COMP: variants seen among roughly 807,000 people sequenced by gnomAD.
The protein encoded by COMP is cartilage oligomeric matrix protein, also known as cartilage oligomeric matrix protein (pseudoachondroplasia, epiphyseal dysplasia 1, multiple).
COMP carries 79 observed loss-of-function variants against 95.8 expected under a neutral mutation model. That is an observed-to-expected ratio of 0.82 (90% CI 0.69 to 0.99). COMP has a LOEUF of 0.99. Among genes scored for constraint, COMP ranks in the 50% least tolerant of loss-of-function variants. COMP has a pLI of 0.00. For missense variants in COMP, 906 were observed against 1,076.1 expected, an observed-to-expected ratio of 0.84 and a Z score of 2.21; for synonymous variants, 438 against 433.9, an observed-to-expected ratio of 1.01 and a Z score of -0.12.
At position 18,790,120 on chromosome 19, in the gene COMP, G is replaced by T. The variant is rs534407430; in HGVS notation, c.218-6C>A. ...GCGTACTGACTGCTGCATCCCTGCGGGGGGGAGGGGGGAGAAGCGGCGGGG... is the reference window on the plus strand; with the variant it reads ...GCGTACTGACTGCTGCATCCCTGCGTGGGGGAGGGGGGAGAAGCGGCGGGG... On this transcript the variant is annotated splice_polypyrimidine_tract_variant and splice_region_variant and intron_variant, in intron 3 of 18. Transcript: ENST00000222271. 2.7e-5 allele frequency: 41 copies of T among 1,523,424 alleles called. No homozygotes were observed. Among genetic ancestry groups the T allele is most frequent in the African/African-American group, 1.1e-4 (8 of 72,624 alleles). The allele number at this position is 1,523,424 out of a possible 1,614,324, so 94.4% of individuals were successfully genotyped here.
Position 18,789,020 on chromosome 19 carries a change from A to T in COMP, c.529-107T>A. ...TGCCTCTCCCCTCCATCCTGCCCCA[A>T]ACCGATCAGCCCTGGCGCAGCGGAC... is the stretch of plus-strand genomic sequence containing the variant. On this transcript the variant is annotated intron_variant, in intron 5 of 18. Coordinates refer to ENST00000222271, the MANE Select transcript of COMP (RefSeq NM_000095.3). The surrounding 1 kb of genome is among the most constrained non-coding windows in gnomAD (Gnocchi z 6.1). 4 of 1,546,460 alleles carry T rather than the reference A, an allele frequency of 2.6e-6. No individual in the cohort carries two copies. In the South Asian group the frequency reaches 3.5e-5, roughly 13 times the overall value.
rs773412062 is a variant in COMP, at chr19:18,789,247, C to T, written c.441G>A (p.Pro147=). Residue 147 remains proline (P), a synonymous_variant, in exon 5 of 19, where the codon CCG becomes CCA. Coordinates refer to ENST00000222271, the MANE Select transcript of COMP (RefSeq NM_000095.3). This position sits in a 1 kb window ranked among gnomAD's most constrained non-coding sequence, Gnocchi z 6.1. ...FPRVRCINTS[P]GFRCEACPPG... The stretch of plus-strand genomic sequence containing the variant: ...GCGGGCAAGCCTCGCAGCGGAACCC[C>T]GGGCTGGTGTTGATACAGCGGACTC... 3.3e-6 allele frequency: 5 copies of T among 1,525,164 alleles called. No homozygotes were observed. The highest frequency in any genetic ancestry group is 4.4e-6 in the Non-Finnish European group (5 of 1,143,822). The allele number at this position is 1,525,164 out of a possible 1,614,324, so 94.5% of individuals were successfully genotyped here.
rs538226042 is a variant in COMP, at chr19:18,790,075, C to A, written c.257G>T (p.Arg86Leu). The change falls in exon 4 of 19, where the codon CGG becomes CTG. Residue 86 changes from arginine to leucine, a missense_variant. By Grantham distance (102) the Arg-to-Leu change is moderately radical. Coordinates refer to ENST00000222271, the MANE Select transcript of COMP (RefSeq NM_000095.3). ...GCCGGGCGCGCAGTGGAGCAGGGGC[C>A]GCACGCTGGGTAGGCCGGTGCGTAC... ...QSVRTGLPSV[R>L]PLLHCAPGFC... 6.5e-6 allele frequency: 10 copies of A among 1,546,484 alleles called. No homozygotes were observed. The highest frequency in any genetic ancestry group is 1.2e-5 in the South Asian group (1 of 84,562).
rs1438651325 is a variant in COMP, at chr19:18,790,587, G to A, written c.192C>T (p.Asn64=). 3 of 1,613,856 alleles carry A rather than the reference G, an allele frequency of 1.9e-6. No homozygotes were observed. Among genetic ancestry groups the A allele is most frequent in the Non-Finnish European group, 2.5e-6 (3 of 1,179,872 alleles). Reference sequence around the variant, plus strand: ...CGCACGCGTCACACTCCATCACCGTGTTTTTCAGGAACGTGATCTCCCTGA... The same window carrying A: ...CGCACGCGTCACACTCCATCACCGTATTTTTCAGGAACGTGATCTCCCTGA... ...QQVREITFLK[N]TVMECDACGM... is the part of the protein sequence containing the mutation. Residue 64 remains asparagine (N), a synonymous_variant, in exon 3 of 19, where the codon AAC becomes AAT. Coordinates refer to ENST00000222271, the MANE Select transcript of COMP (RefSeq NM_000095.3).
At chr19:18,785,267 CCA>C (rs1247772910) in intron 15 of COMP, among the ~76,000 whole-genome samples, 175 bp from the exon 16 acceptor site, 1 of 152,072 alleles carries the variant, frequency 6.6e-6, no homozygotes, top group Admixed American at 6.5e-5. Context: ...CCACGCCCCT[CCA>C]GAGTCCACCT....
At position 18,784,849 on chromosome 19, in the gene COMP, G is replaced by A; in HGVS notation, c.1914+47C>T. ...TGTAAAGGGTTTTACGGAGGGTCAT[G>A]GGAGGGCATGAGGACCGCAGAGGTC... On this transcript the variant is annotated intron_variant, in intron 16 of 18. Transcript: ENST00000222271. The surrounding 1 kb of genome is among the most constrained non-coding windows in gnomAD (Gnocchi z 4.9). 6.3e-7 allele frequency: 1 copy of A among 1,599,392 alleles called. No homozygotes were observed. The highest frequency in any genetic ancestry group is 1.1e-5 in the South Asian group (1 of 90,786).
intron 14 of COMP, 22 bp downstream of exon 14, chr19:18,785,651 C>A: frequency 6.2e-7 from 1 of 1,613,504 alleles, no homozygotes; most frequent in Non-Finnish European, 8.5e-7. Flanking sequence ...CCCATCACCC[C>A]CCACGTGGAC....
rs1379380934 is a variant in COMP, at chr19:18,787,539, CTG to C, written c.1085_1086del (p.Thr362ArgfsTer27). 2 of 1,613,936 alleles carry C rather than the reference CTG, an allele frequency of 1.2e-6. No individual in the cohort carries two copies. The highest frequency in any genetic ancestry group is 1.7e-6 in the Non-Finnish European group (2 of 1,180,058). On this transcript the variant is annotated frameshift_variant, in exon 10 of 19. Coordinates refer to ENST00000222271, the MANE Select transcript of COMP (RefSeq NM_000095.3). LOFTEE classifies it high-confidence loss of function. ...RSQKNDDQKD[T>X]DQDGRGDACD... The stretch of plus-strand genomic sequence containing the variant: ...CACGCATCGCCCCGGCCGTCCTGGT[CTG>C]TGTCCTTTTGGTCGTCGTTCTTCTG...
rs763986060 is a variant in COMP at position 18,786,021 on chromosome 19, G to T, written c.1433C>A (p.Pro478His). The T allele has an allele frequency of 6.2e-7, 1 of 1,613,552 alleles. No homozygotes were observed. The highest frequency in any genetic ancestry group is 1.7e-5 in the Admixed American group (1 of 60,018). Residue 478 changes from proline to histidine, a missense_variant, in exon 13 of 19, where the codon CCT (proline) becomes CAT (histidine). By Grantham distance (77) the Pro-to-His change is moderately conservative. Coordinates refer to ENST00000222271, the MANE Select transcript of COMP (RefSeq NM_000095.3). Reference sequence around the variant, plus strand: ...CAGGCGGCAGTTGTCCCGACTGTCAGGGACTCCGTCATTGTCGTCGTCGTC... The same window carrying T: ...CAGGCGGCAGTTGTCCCGACTGTCATGGACTCCGTCATTGTCGTCGTCGTC... ...CDDDDDNDGV[P>H]DSRDNCRLVP... is the part of the protein sequence containing the mutation.
Position 18,784,337 on chromosome 19 carries a change from C to T in COMP, c.1941G>A (p.Gly647=), listed in dbSNP as rs1200992000. Residue 647 remains glycine (G), a synonymous_variant, in exon 17 of 19, where the codon GGG becomes GGA. Coordinates refer to ENST00000222271, the MANE Select transcript of COMP (RefSeq NM_000095.3). This position sits in a 1 kb window ranked among gnomAD's most constrained non-coding sequence, Gnocchi z 4.9. ...LKAVKSSTGP[G]EQLRNALWHT... Reference sequence around the variant, plus strand: ...GCCACAGAGCGTTCCGCAGCTGTTCCCCGGGGCCTGTGGAAGACTTCACAG... The same window carrying T: ...GCCACAGAGCGTTCCGCAGCTGTTCTCCGGGGCCTGTGGAAGACTTCACAG... The T allele has an allele frequency of 6.2e-7, 1 of 1,613,998 alleles. No individual in the cohort carries two copies. The highest frequency in any genetic ancestry group is 8.5e-7 in the Non-Finnish European group (1 of 1,180,032).
At position 18,787,485 on chromosome 19, in the gene COMP, G is replaced by A. The variant is rs2055175569; in HGVS notation, c.1135+6C>T. The A allele has an allele frequency of 6.2e-7, 1 of 1,611,100 alleles. No individual in the cohort carries two copies. Among genetic ancestry groups the A allele is most frequent in the Non-Finnish European group, 8.5e-7 (1 of 1,179,900 alleles). On this transcript the variant is annotated splice_donor_region_variant and intron_variant, in intron 10 of 18. Coordinates refer to ENST00000222271, the MANE Select transcript of COMP (RefSeq NM_000095.3). Reference sequence around the variant, plus strand: ...CTCCTCGCCCCCCAACCCCCATCGAGCTCACGGTCGCCGTCGATGTCGTCG... The same window carrying A: ...CTCCTCGCCCCCCAACCCCCATCGAACTCACGGTCGCCGTCGATGTCGTCG...
Position 18,788,576 on chromosome 19 carries a change from G to A in COMP, c.762+16C>T, listed in dbSNP as rs1467527499. On this transcript the variant is annotated intron_variant, in intron 7 of 18. Coordinates refer to ENST00000222271, the MANE Select transcript of COMP (RefSeq NM_000095.3). This position sits in a 1 kb window ranked among gnomAD's most constrained non-coding sequence, Gnocchi z 4.7. ...GCCACCCAACCCCGCCTCAAGCCCAGCCCGCCCGCACTCACCACGCACGAC... is the reference window on the plus strand; with the variant it reads ...GCCACCCAACCCCGCCTCAAGCCCAACCCGCCCGCACTCACCACGCACGAC... 26 of 1,557,274 alleles carry A rather than the reference G, an allele frequency of 1.7e-5. No individual in the cohort carries two copies. The highest frequency in any genetic ancestry group is 2.1e-5 in the Non-Finnish European group (24 of 1,151,238).
rs1282820028 is a variant in COMP, at chr19:18,788,268, C to T, written c.919G>A (p.Gly307Ser). 6.2e-7 allele frequency: 1 copy of T among 1,613,258 alleles called. No homozygotes were observed. The highest frequency in any genetic ancestry group is 1.1e-5 in the South Asian group (1 of 91,090). ...NSGQEDVDRD[G>S]IGDACDPDAD... Reference sequence around the variant, plus strand: ...TCCGGATCGCAGGCGTCTCCGATGCCATCGCGGTCCACATCCTCCTGCCCT... The same window carrying T: ...TCCGGATCGCAGGCGTCTCCGATGCTATCGCGGTCCACATCCTCCTGCCCT... Residue 307 changes from glycine to serine, a missense_variant, in exon 9 of 19, where the codon GGC (glycine) becomes AGC (serine). Gly to Ser is a moderately conservative substitution (Grantham distance 56, BLOSUM62 0). Transcript: ENST00000222271. This position sits in a 1 kb window ranked among gnomAD's most constrained non-coding sequence, Gnocchi z 4.7.
intron 3 of COMP, 134 bp downstream of exon 3, chr19:18,790,428 C>T (rs2055204583): frequency 4.4e-6 from 5 of 1,135,352 alleles, no homozygotes; most frequent in Non-Finnish European, 6.6e-6. Flanking sequence ...CATTCCCGTT[C>T]GTCCGTCCAC....
At chr19:18,785,134 C>T in intron 15 of COMP, 42 bp from the exon 16 acceptor site, 1 of 1,601,088 alleles carries the variant, frequency 6.2e-7, no homozygotes, top group Admixed American at 1.7e-5. Flanking sequence ...GAACGCCAGC[C>T]CCAGCCCCCG....
Position 18,788,387 on chromosome 19 carries a change from C to CCCCCCCCA in COMP, c.867+22_867+23insTGGGGGGG. The CCCCCCCCA allele has an allele frequency of 6.3e-7, 1 of 1,581,534 alleles. No homozygotes were observed. The highest frequency in any genetic ancestry group is 8.6e-7 in the Non-Finnish European group (1 of 1,157,118). On this transcript the variant is annotated intron_variant, in intron 8 of 18. Coordinates refer to ENST00000222271, the MANE Select transcript of COMP (RefSeq NM_000095.3). This position sits in a 1 kb window ranked among gnomAD's most constrained non-coding sequence, Gnocchi z 4.7. ...TCCCGCCCTCCCTCCTGCCCAAGCC[C>CCCCCCCCA]GCCCCGCTCCGCCCCCACCCACCTT...
intron 9 of COMP, 33 bp from the exon 10 acceptor site, chr19:18,787,683 G>T: frequency 6.2e-7 from 1 of 1,611,334 alleles, no homozygotes; most frequent in Non-Finnish European, 8.5e-7. Flanking sequence ...GGTGAGATCA[G>T]GTCGAGAAGG....
rs535198633 is a variant in COMP, at chr19:18,785,793, C to A, written c.1548G>T (p.Lys516Asn). 2 of 1,613,322 alleles carry A rather than the reference C, an allele frequency of 1.2e-6. No homozygotes were observed. Among genetic ancestry groups the A allele is most frequent in the Non-Finnish European group, 1.7e-6 (2 of 1,180,038 alleles). The change falls in exon 14 of 19, where the codon AAG becomes AAT. Residue 516 changes from lysine (K) to asparagine (N), a missense_variant. Physicochemically the swap from Lys to Asn is moderately conservative, Grantham distance 94. Coordinates refer to ENST00000222271, the MANE Select transcript of COMP (RefSeq NM_000095.3). ...CAGCGTTCTCCGGACACACGTCGAT[C>A]TTGTCTACCACCTTGTCTGCATCAA... ...DDFDADKVVD[K>N]IDVCPENAEV...
chr19:18,788,784 G>T lies in COMP; in HGVS notation c.604-34C>A, dbSNP rs1467323695. 5 of 1,604,816 alleles carry T rather than the reference G, an allele frequency of 3.1e-6. No homozygotes were observed. Among genetic ancestry groups the T allele is most frequent in the South Asian group, 1.1e-5 (1 of 89,828 alleles). ...GAGCCGCCGGAGGTCAGCGCAGGCC[G>T]CCCGCCGCTCGCCCCACCTCCCGCG... On this transcript the variant is annotated intron_variant, in intron 6 of 18. Transcript: ENST00000222271. The surrounding 1 kb of genome is among the most constrained non-coding windows in gnomAD (Gnocchi z 4.7).
Sources: gnomAD v4.1 joint callset for allele counts (sites outside exome capture counted in the v4.1 genomes callset) on GRCh38, gnomAD v4.1.1 for gene constraint, Gnocchi (gnomAD v3.1) non-coding constraint, MANE v1.5 for transcripts, NCBI Gene and HGNC (gene_info 2026-07-23, HGNC 2026-07-21) for gene names.